The following TRAPPC9 variants were observed in gnomAD, a reference collection of about 807,000 sequenced individuals.
The protein encoded by TRAPPC9 is trafficking protein particle complex subunit 9, also known as IKK2 binding protein.
In TRAPPC9, 83 loss-of-function variants were observed where a neutral mutation model predicts 124.0. That is an observed-to-expected ratio of 0.67 (90% CI 0.56 to 0.80). The LOEUF (loss-of-function observed/expected upper bound fraction) is 0.80, where lower values mean the gene tolerates loss of function less well. Among genes scored for constraint, TRAPPC9 ranks in the 30% least tolerant of loss-of-function variants. The probability of loss-of-function intolerance (pLI) is 0.00; values close to 1 mark genes in which losing one functional copy is unlikely to be tolerated. For missense variants in TRAPPC9, 1,302 were observed against 1,508.3 expected (o/e 0.86, Z 2.27); for synonymous variants, 638 against 617.5 (o/e 1.03, Z -0.49).
rs547135839 is a variant in TRAPPC9, at chr8:139,825,513, A to G, written c.3055+60366T>C. Among the ~76,000 whole-genome samples, 7 of 152,328 alleles carry G rather than the reference A, an allele frequency of 4.6e-5. No individual in the cohort carries two copies. The highest frequency in any genetic ancestry group is 1.7e-4 in the African/African-American group (7 of 41,576). ...GGTCCCATGCCCAACCTCAGACCTCAGGATCTGAATCTCCACTCAGAGAAT... is the reference window on the plus strand; with the variant it reads ...GGTCCCATGCCCAACCTCAGACCTCGGGATCTGAATCTCCACTCAGAGAAT... On this transcript the variant is annotated intron_variant, in intron 21 of 22. Coordinates refer to ENST00000438773, the MANE Select transcript of TRAPPC9 (RefSeq NM_001160372.4). The surrounding 1 kb of genome is among the most constrained non-coding windows in gnomAD (Gnocchi z 4.6).
Position 140,451,264 on chromosome 8 carries a change from C to A in TRAPPC9, c.110G>T (p.Arg37Met). 1.1e-5 allele frequency: 17 copies of A among 1,613,206 alleles called. No individual in the cohort carries two copies. The highest frequency in any genetic ancestry group is 1.4e-5 in the Non-Finnish European group (17 of 1,180,034). ...SEENFFRIYKRICSVSQISVR... is the reference protein window; with the variant it reads ...SEENFFRIYKMICSVSQISVR... ...GCTGATCTGACTCACAGAGCAAATC[C>A]TCTTATAGATCCTGAAGAAGTTCTC... The change falls in exon 2 of 23, where the codon AGG becomes ATG. Residue 37 changes from arginine (R) to methionine (M), a missense_variant. Coordinates refer to ENST00000438773, the MANE Select transcript of TRAPPC9 (RefSeq NM_001160372.4).
intron 16 of TRAPPC9, among the ~76,000 whole-genome samples, chr8:140,235,130 C>T (rs2063702766): frequency 6.6e-6 from 1 of 152,104 alleles, no homozygotes; most frequent in African/African-American, 2.4e-5. Context: ...TGCCACCATG[C>T]CCAGCTAGTT....
In TRAPPC9 at chr8:140,333,747, A is replaced by G. The variant is rs111605064; in HGVS notation, c.1496-22373T>C. ...AATTTTCAAAAAGGTTTTACAACGA[A>G]AAATCAGGGTTTGTTTATAAATGCC... On this transcript the variant is annotated intron_variant, in intron 9 of 22. Coordinates refer to ENST00000438773, the MANE Select transcript of TRAPPC9 (RefSeq NM_001160372.4). 9.6e-3 allele frequency among the ~76,000 whole-genome samples: 1,457 copies of G among 152,348 alleles called. 8 individuals are homozygous for G. Among genetic ancestry groups the G allele is most frequent in the Middle Eastern group, 0.034 (10 of 294 alleles).
chr8:139,813,733 G>A (rs1189461584), intron 21 of TRAPPC9, among the ~76,000 whole-genome samples: 7 of 152,210 alleles, frequency 4.6e-5, no homozygotes, highest in Non-Finnish European at 1.0e-4. Flanking sequence ...CTGCAGAATG[G>A]GCTGCCTGGG....
intron 17 of TRAPPC9, among the ~76,000 whole-genome samples, chr8:140,151,749 G>A (rs764010875): frequency 2.6e-5 from 4 of 152,188 alleles, no homozygotes; most frequent in Non-Finnish European, 4.4e-5. Context: ...CTGTGACCCA[G>A]AAGGTCCGTC....
At chr8:139,818,607 C>A (rs1179961764) in intron 21 of TRAPPC9, among the ~76,000 whole-genome samples, 2 of 152,028 alleles carry the variant, frequency 1.3e-5, no homozygotes, top group Admixed American at 1.3e-4. Flanking sequence ...AATAGTAACA[C>A]AGTCAGTGGT....
intron 17 of TRAPPC9, among the ~76,000 whole-genome samples, chr8:140,078,007 GA>G (rs1279153833): frequency 1.3e-5 from 2 of 152,128 alleles, no homozygotes; most frequent in African/African-American, 4.8e-5. Context: ...TACAAAGTGT[GA>G]AAAACCAGTA....
chr8:139,818,231 T>C (rs1824993779), intron 21 of TRAPPC9, among the ~76,000 whole-genome samples: 1 of 152,188 alleles, frequency 6.6e-6, no homozygotes, highest in Non-Finnish European at 1.5e-5. Context: ...GATGAAATGA[T>C]GTGATCCCTC....
intron 21 of TRAPPC9, among the ~76,000 whole-genome samples, chr8:139,884,389 G>T (rs1829869882): frequency 6.6e-6 from 1 of 152,208 alleles, no homozygotes. Flanking sequence ...CCGACCCTCA[G>T]ACAGAAGGGA....
chr8:139,991,361 G>A (rs182240733), intron 18 of TRAPPC9, among the ~76,000 whole-genome samples: 27 of 152,248 alleles, frequency 1.8e-4, no homozygotes, highest in Admixed American at 1.2e-3. Flanking sequence ...GTGTGGGGGC[G>A]TCTGATCTAG....
At chr8:139,747,972 G>A (rs1422116313) in intron 21 of TRAPPC9, among the ~76,000 whole-genome samples, 1 of 64,052 alleles carries the variant, frequency 1.6e-5, no homozygotes, top group Admixed American at 1.4e-4. Context: ...AGGTGTGCAG[G>A]GATCAGAGAA....
At chr8:139,955,844 AGAAACTGAAAGCTCT>A (rs1834937370) in intron 19 of TRAPPC9, among the ~76,000 whole-genome samples, 1 of 152,200 alleles carries the variant, frequency 6.6e-6, no homozygotes, top group African/African-American at 2.4e-5. Flanking sequence ...TCTTTCCAAG[AGAAACTGAAAGCTCT>A]GCAGCGCTTC....
intron 17 of TRAPPC9, among the ~76,000 whole-genome samples, chr8:140,180,953 T>G (rs977636732): frequency 6.6e-6 from 1 of 152,350 alleles, no homozygotes; most frequent in African/African-American, 2.4e-5. Context: ...CAAAACTTGA[T>G]GTACTTGTTC....
intron 16 of TRAPPC9, among the ~76,000 whole-genome samples, chr8:140,223,191 C>T (rs2063376265): frequency 6.6e-6 from 1 of 152,114 alleles, no homozygotes; most frequent in Admixed American, 6.5e-5. Flanking sequence ...CCACAACAGG[C>T]CCCAGCGTGT....
At chr8:140,099,225 G>GCTGCAGGAGTGCCGCAGT (rs2060522264) in intron 17 of TRAPPC9, 1 of 150,796 alleles carries the variant, frequency 6.6e-6, no homozygotes, top group Non-Finnish European at 1.5e-5. Context: ...TCTCTGCGCA[G>GCTGCAGGAGTGCCGCAGT]CTGCAGGAGT....
intron 18 of TRAPPC9, among the ~76,000 whole-genome samples, chr8:140,017,141 A>T (rs1435681084): frequency 6.6e-6 from 1 of 152,248 alleles, no homozygotes; most frequent in Non-Finnish European, 1.5e-5. Flanking sequence ...CATCAATAAG[A>T]TACAAGACGT....
At chr8:140,036,923 T>C (rs1840933341) in intron 17 of TRAPPC9, among the ~76,000 whole-genome samples, 1 of 152,124 alleles carries the variant, frequency 6.6e-6, no homozygotes, top group Admixed American at 6.5e-5. Context: ...GGTATACACA[T>C]GCCATGGTAG....
At chr8:140,221,008 G>A (rs976570732) in intron 17 of TRAPPC9, among the ~76,000 whole-genome samples, 1 of 152,172 alleles carries the variant, frequency 6.6e-6, no homozygotes, top group African/African-American at 2.4e-5. Context: ...CTACAAGCCC[G>A]CGGCACGTAG....
chr8:140,447,212 C>A (rs2071295335), intron 2 of TRAPPC9, among the ~76,000 whole-genome samples: 1 of 152,128 alleles, frequency 6.6e-6, no homozygotes, highest in Non-Finnish European at 1.5e-5. Context: ...ACAGACTGAA[C>A]AAGATCCCCC....
Sources: allele counts gnomAD v4.1 joint callset (sites outside exome capture counted in the v4.1 genomes callset), GRCh38; gene constraint gnomAD v4.1.1; non-coding constraint Gnocchi (gnomAD v3.1); transcripts MANE v1.5; gene names NCBI Gene and HGNC (gene_info 2026-07-23, HGNC 2026-07-21).